Variants in VWA3A observed in about 807,000 individuals in gnomAD.
VWA3A encodes the protein von Willebrand factor A domain-containing protein 3A.
In VWA3A, 134 loss-of-function variants were observed where a neutral mutation model predicts 160.4. The observed-to-expected ratio is 0.84, with a 90% CI of 0.73 to 0.96. VWA3A has a LOEUF of 0.96. VWA3A is among the 40% of genes least tolerant of loss of function. VWA3A has a pLI of 0.00. For synonymous variants in VWA3A, 476 were observed against 543.4 expected, an observed-to-expected ratio of 0.88 and a Z score of 1.72; for missense variants, 1,310 against 1,447.9, an observed-to-expected ratio of 0.90 and a Z score of 1.55.
chr16:22,100,582 C>T (rs2045393511), intron 5 of VWA3A, 89 bp downstream of exon 5: 1 of 1,328,600 alleles, frequency 7.5e-7, no homozygotes, highest in East Asian at 2.5e-5. Flanking sequence ...TACCTGTAAT[C>T]CCAGTACTTT....
chr16:22,131,857 G>C (rs1383316467), intron 19 of VWA3A, 128 bp downstream of exon 19: 1 of 1,298,960 alleles, frequency 7.7e-7, no homozygotes, highest in East Asian at 2.6e-5. Flanking sequence ...TTAATGTATA[G>C]ACAAGCACCT....
intron 12 of VWA3A, among the ~76,000 whole-genome samples, chr16:22,120,315 A>T (rs9939562): frequency 0.52 from 79,091 of 152,052 alleles, 25,049 homozygotes; most frequent in African/African-American, 0.87. Flanking sequence ...CATGGATTAA[A>T]TTATTTTTTA....
chr16:22,131,079 A>G, intron 17 of VWA3A, 126 bp from the exon 18 acceptor site: 1 of 806,218 alleles, frequency 1.2e-6, no homozygotes, highest in Non-Finnish European at 2.1e-6. Context: ...CAGGCCAGTG[A>G]CATCCTCACA....
chr16:22,120,679 G>A (rs1389319916), intron 12 of VWA3A, among the ~76,000 whole-genome samples: 1 of 152,174 alleles, frequency 6.6e-6, no homozygotes, highest in Non-Finnish European at 1.5e-5. Context: ...GGGGTGACCT[G>A]TCACCTTGGA....
rs375378867 is a variant in VWA3A, at chr16:22,131,242, G to C, written c.1690G>C (p.Val564Leu). 1.1e-5 allele frequency: 18 copies of C among 1,614,008 alleles called. No homozygotes were observed. Among genetic ancestry groups the C allele is most frequent in the Admixed American group, 1.7e-5 (1 of 60,022 alleles). Residue 564 changes from valine to leucine, a missense_variant, in exon 18 of 34, where the codon GTT (valine) becomes CTT (leucine). Val to Leu is a conservative substitution (Grantham distance 32). Coordinates refer to ENST00000389398, the MANE Select transcript of VWA3A (RefSeq NM_173615.5). ...STIESWRPEM[V>L]PVSHNNLQSA... ...AATTGAAAGCTGGAGGCCTGAGATG[G>C]TTCCCGTGAGTCACAACAATTTACA...
chr16:22,129,830 G>A (rs1052725484), intron 17 of VWA3A, among the ~76,000 whole-genome samples: 1 of 152,062 alleles, frequency 6.6e-6, no homozygotes, highest in African/African-American at 2.4e-5. Context: ...CCAGAGAGGT[G>A]GGAGGAAAAC....
In VWA3A at chr16:22,133,055, C is replaced by T. The variant is rs757431864; in HGVS notation, c.2028C>T (p.Thr676=). 1 of 1,613,648 alleles carries T rather than the reference C, an allele frequency of 6.2e-7. No individual in the cohort carries two copies. The highest frequency in any genetic ancestry group is 1.3e-5 in the African/African-American group (1 of 74,930). ...CAGCCGCCGCCTACAAGGAGGTCAC[C>T]CGGGCTGCAGGTGGCCGCTTCCACT... is the stretch of plus-strand genomic sequence containing the variant. The part of the protein sequence containing the change: ...TDTAAAYKEV[T]RAAGGRFHWF... Residue 676 remains threonine (T), a synonymous_variant, in exon 20 of 34, where the codon ACC becomes ACT. Coordinates refer to ENST00000389398, the MANE Select transcript of VWA3A (RefSeq NM_173615.5).
At chr16:22,101,198 A>G (rs1345572131) in intron 5 of VWA3A, among the ~76,000 whole-genome samples, 1 of 152,150 alleles carries the variant, frequency 6.6e-6, no homozygotes, top group Non-Finnish European at 1.5e-5. Context: ...TCGAGGCTGC[A>G]GTGAGCTATG....
chr16:22,093,146 G>T (rs975343753), intron 1 of VWA3A, among the ~76,000 whole-genome samples: 2 of 152,006 alleles, frequency 1.3e-5, no homozygotes, highest in Non-Finnish European at 2.9e-5. Flanking sequence ...AGCAGCTACT[G>T]TGTTCTAAAC....
In VWA3A at chr16:22,128,977, C is replaced by T. The variant is rs367774165; in HGVS notation, c.1653-2228C>T. On this transcript the variant is annotated intron_variant, in intron 17 of 33. Coordinates refer to ENST00000389398, the MANE Select transcript of VWA3A (RefSeq NM_173615.5). ...AATCAGGAAAAATAACTGATGGGTACTAGGCTTAATACCTGGGTGATGAAA... is the reference window on the plus strand; with the variant it reads ...AATCAGGAAAAATAACTGATGGGTATTAGGCTTAATACCTGGGTGATGAAA... Among the ~76,000 whole-genome samples, 12 of 152,170 alleles carry T rather than the reference C, an allele frequency of 7.9e-5. No individual in the cohort carries two copies. In the East Asian group the frequency reaches 1.7e-3, roughly 22 times the overall value.
At chr16:22,115,326 G>A (rs184869112) in intron 8 of VWA3A, 21 bp from the exon 9 acceptor site, 40 of 1,567,992 alleles carry the variant, frequency 2.6e-5, no homozygotes, top group Non-Finnish European at 3.0e-5. Flanking sequence ...TAATTAGGTT[G>A]CTGTTGTTGT....
In VWA3A at chr16:22,132,920, G is replaced by A. The variant is rs959153963; in HGVS notation, c.1893G>A (p.Met631Ile). 1.9e-6 allele frequency: 3 copies of A among 1,613,514 alleles called. No individual in the cohort carries two copies. The African/African-American group carries it at 4.0e-5, about 22-fold the overall frequency. Residue 631 changes from methionine to isoleucine, a missense_variant, in exon 20 of 34, where the codon ATG becomes ATA. Physicochemically the swap from Met to Ile is conservative, Grantham distance 10 (BLOSUM62 1). Coordinates refer to ENST00000389398, the MANE Select transcript of VWA3A (RefSeq NM_173615.5). ...ACCAGCCTACACTCAGTGCCTACAT[G>A]GCTGAGGCCTGTGGCGGCTGCGACC... is the stretch of plus-strand genomic sequence containing the variant. ...DQDMPTLSAY[M>I]AEACGGCDLQ...
chr16:22,100,361 A>T (rs2045389791), intron 4 of VWA3A, 43 bp downstream of exon 4: 2 of 1,551,530 alleles, frequency 1.3e-6, no homozygotes, highest in African/African-American at 2.7e-5. Context: ...AGCTGCAGTG[A>T]CACATGCAAC....
At chr16:22,116,411 CAAAG>C (rs1380195907) in intron 9 of VWA3A, 4 of 271,508 alleles carry the variant, frequency 1.5e-5, no homozygotes, top group South Asian at 7.0e-5. Flanking sequence ...GAGAGAAAAA[CAAAG>C]GAAAAAGGAA....
chr16:22,146,658 C>T (rs948941864), intron 27 of VWA3A, among the ~76,000 whole-genome samples: 3 of 152,072 alleles, frequency 2.0e-5, no homozygotes, highest in African/African-American at 4.8e-5. Context: ...GTGGCGGGCA[C>T]CTGTAATCCC....
At chr16:22,108,542 A>G (rs1483736143) in intron 6 of VWA3A, among the ~76,000 whole-genome samples, 2 of 152,074 alleles carry the variant, frequency 1.3e-5, no homozygotes, top group African/African-American at 4.8e-5. Context: ...TTGGAGGCAA[A>G]ATCACTTGCT....
chr16:22,129,045 A>G (rs752626544), intron 17 of VWA3A, among the ~76,000 whole-genome samples: 5 of 152,100 alleles, frequency 3.3e-5, no homozygotes, highest in Non-Finnish European at 7.3e-5. Context: ...TTACCTATAT[A>G]ACAAACCTGC....
chr16:22,152,737 T>A (rs2046372487), intron 31 of VWA3A, 103 bp downstream of exon 31: 1 of 1,488,942 alleles, frequency 6.7e-7, no homozygotes, highest in African/African-American at 1.4e-5. Flanking sequence ...CAAGTGAACC[T>A]CCCACCTCGG....
chr16:22,145,379 C>T (rs1003845396), intron 26 of VWA3A, among the ~76,000 whole-genome samples: 6 of 152,164 alleles, frequency 3.9e-5, no homozygotes, highest in Non-Finnish European at 7.3e-5. Context: ...TGGCTCATGC[C>T]TGTAGTCCCA....
Sources: gnomAD v4.1 joint callset for allele counts (sites outside exome capture counted in the v4.1 genomes callset) on GRCh38, gnomAD v4.1.1 for gene constraint, MANE v1.5 for transcripts, NCBI Gene and HGNC (gene_info 2026-07-23, HGNC 2026-07-21) for gene names.